The following SCOC variants were observed in gnomAD, a reference collection of about 807,000 sequenced individuals.
SCOC encodes the protein short coiled coil protein.
Under a neutral mutation model 9.9 loss-of-function variants are expected in SCOC, and 7 were observed. That is an observed-to-expected ratio of 0.71 (90% CI 0.40 to 1.33). SCOC has a LOEUF of 1.33. SCOC is among the 40% of genes most tolerant of loss of function. The pLI is 0.01. For missense variants in SCOC, 66 were observed against 89.7 expected, an observed-to-expected ratio of 0.74 and a Z score of 1.07; for synonymous variants, 19 against 28.2, an observed-to-expected ratio of 0.67 and a Z score of 1.03.
intron 1 of SCOC, among the ~76,000 whole-genome samples, chr4:140,322,836 G>GA (rs1732538703): frequency 1.3e-5 from 2 of 152,076 alleles, no homozygotes; most frequent in African/African-American, 4.8e-5. Context: ...AATTAGTAGG[G>GA]ATAGAAGGAA....
intron 1 of SCOC, among the ~76,000 whole-genome samples, chr4:140,260,296 A>C (rs2126385504): frequency 6.6e-6 from 1 of 152,368 alleles, no homozygotes; most frequent in South Asian, 2.1e-4. Context: ...CAGAAGAGAA[A>C]GCAACTGAAA....
upstream of SCOC, among the ~76,000 whole-genome samples, chr4:140,340,808 TAGA>T (rs1726488002): frequency 1.8e-5 from 2 of 111,868 alleles, no homozygotes; most frequent in Admixed American, 1.1e-4. Context: ...TTTTTTTTTT[TAGA>T]GGGATAGTCT....
At chr4:140,364,265 G>A (rs1225022184) in intron 2 of SCOC, among the ~76,000 whole-genome samples, 1 of 152,086 alleles carries the variant, frequency 6.6e-6, no homozygotes, top group African/African-American at 2.4e-5. Context: ...GGCGAAGGAT[G>A]TAAACCTGAA....
At chr4:140,303,560 G>T (rs1299956250) in intron 1 of SCOC, among the ~76,000 whole-genome samples, 1 of 152,100 alleles carries the variant, frequency 6.6e-6, no homozygotes, top group Non-Finnish European at 1.5e-5. Flanking sequence ...TAGTGCCTTG[G>T]GAATGTCTGG....
intron 2 of SCOC, among the ~76,000 whole-genome samples, chr4:140,344,326 G>A (rs532877369): frequency 7.2e-5 from 11 of 152,256 alleles, no homozygotes; most frequent in African/African-American, 2.6e-4. Context: ...GGTGTGTGTG[G>A]GGTGTGTGTG....
At chr4:140,361,584 A>G (rs1727470377) in intron 2 of SCOC, among the ~76,000 whole-genome samples, 1 of 152,134 alleles carries the variant, frequency 6.6e-6, no homozygotes, top group Non-Finnish European at 1.5e-5. Flanking sequence ...ACTTGAGCCC[A>G]GGAAGTTGAG....
chr4:140,346,196 T>C (rs1726732607), intron 2 of SCOC, among the ~76,000 whole-genome samples: 1 of 152,138 alleles, frequency 6.6e-6, no homozygotes, highest in South Asian at 2.1e-4. Context: ...TGGTAGATTG[T>C]TGGAGCTGGA....
intron 1 of SCOC, among the ~76,000 whole-genome samples, chr4:140,327,387 T>C (rs1732679754): frequency 6.6e-6 from 1 of 152,170 alleles, no homozygotes; most frequent in Admixed American, 6.5e-5. Flanking sequence ...TTTTGAACTA[T>C]ATGGAGCTCT....
chr4:140,323,887 C>A (rs79568300), intron 1 of SCOC, among the ~76,000 whole-genome samples: 1 of 151,986 alleles, frequency 6.6e-6, no homozygotes, highest in Non-Finnish European at 1.5e-5. Flanking sequence ...AAGCATTACC[C>A]TAAGACTCAA....
intron 2 of SCOC, among the ~76,000 whole-genome samples, chr4:140,352,800 G>T (rs764488448): frequency 6.6e-6 from 1 of 151,946 alleles, no homozygotes; most frequent in Non-Finnish European, 1.5e-5. Flanking sequence ...TTTTTTCTAC[G>T]TCATTAGAAT....
intron 2 of SCOC, among the ~76,000 whole-genome samples, chr4:140,362,273 C>CTGTTCTTCTTCTTCTTCCTTCTTCTTCTT: frequency 6.9e-5 from 2 of 29,076 alleles, no homozygotes; most frequent in Non-Finnish European, 1.5e-4. Flanking sequence ...ACAGGTGTGT[C>CTGTTCTTCTTCTTCTTCCTTCTTCTTCTT]CTTACTTCTT....
intron 2 of SCOC, among the ~76,000 whole-genome samples, chr4:140,356,359 A>T (rs1727229367): frequency 6.6e-6 from 1 of 152,178 alleles, no homozygotes; most frequent in Non-Finnish European, 1.5e-5. Flanking sequence ...CCACAACACA[A>T]CCAATAACAT....
intron 1 of SCOC, among the ~76,000 whole-genome samples, chr4:140,317,986 A>T (rs1236850784): frequency 6.6e-6 from 1 of 150,826 alleles, no homozygotes; most frequent in African/African-American, 2.4e-5. Context: ...ACTGAGAATG[A>T]TGGTTTCCAA....
chr4:140,265,767 T>G (rs933353330), intron 1 of SCOC, among the ~76,000 whole-genome samples: 1 of 152,200 alleles, frequency 6.6e-6, no homozygotes, highest in African/African-American at 2.4e-5. Flanking sequence ...AACACTACCC[T>G]CAATAATCTT....
chr4:140,346,589 T>C (rs1236382487), intron 2 of SCOC, among the ~76,000 whole-genome samples: 2 of 152,234 alleles, frequency 1.3e-5, no homozygotes, highest in Admixed American at 6.5e-5. Context: ...CAAACTTTCA[T>C]TTACTTTGAA....
chr4:140,348,869 C>T, intron 2 of SCOC, among the ~76,000 whole-genome samples: 1 of 152,128 alleles, frequency 6.6e-6, no homozygotes, highest in East Asian at 1.9e-4. Flanking sequence ...TCCTGGCCAA[C>T]TCTTATCTTT....
At chr4:140,302,665 C>T (rs558977435) in intron 1 of SCOC, among the ~76,000 whole-genome samples, 22 of 152,032 alleles carry the variant, frequency 1.4e-4, no homozygotes, top group Non-Finnish European at 2.1e-4. Context: ...ATGATAATCA[C>T]GTGATTTGCT....
At chr4:140,375,789 G>T (rs1046686071) in intron 1 of SCOC, among the ~76,000 whole-genome samples, 13 of 152,142 alleles carry the variant, frequency 8.5e-5, no homozygotes, top group Non-Finnish European at 1.9e-4. Context: ...CGAATTTACT[G>T]TGTTTTTTGA....
chr4:140,315,144 G>A (rs542975823), intron 1 of SCOC, among the ~76,000 whole-genome samples: 1 of 152,142 alleles, frequency 6.6e-6, no homozygotes, highest in East Asian at 1.9e-4. Context: ...TCTTCAGTGA[G>A]TGAAATAATA....
Sources: gnomAD v4.1 joint callset for allele counts (sites outside exome capture counted in the v4.1 genomes callset) on GRCh38, gnomAD v4.1.1 for gene constraint, MANE v1.5 for transcripts, NCBI Gene and HGNC (gene_info 2026-07-23, HGNC 2026-07-21) for gene names.